The following DHRS11 variants were observed in gnomAD, a reference collection of about 807,000 sequenced individuals.
DHRS11 encodes dehydrogenase/reductase SDR family member 11.
In DHRS11, 18 loss-of-function variants were observed where a neutral mutation model predicts 30.7. The ratio of observed to expected loss-of-function variants is 0.59; its 90% CI spans 0.41 to 0.87. The LOEUF is 0.87. Among genes scored for constraint, DHRS11 ranks in the 40% least tolerant of loss-of-function variants. The pLI is 0.00. For missense variants in DHRS11, 300 were observed against 349.0 expected (o/e 0.86, Z 1.12); for synonymous variants, 123 against 139.6 (o/e 0.88, Z 0.84).
chr17:36,598,691 A>T (rs578135227), intron 3 of DHRS11: 31 of 557,300 alleles, frequency 5.6e-5, no homozygotes, highest in Admixed American at 2.6e-4. Flanking sequence ...CCACCAGGAG[A>T]GTGCATTCTG....
At chr17:36,594,369 AAG>A (rs2074791995) in intron 1 of DHRS11, among the ~76,000 whole-genome samples, 1 of 152,124 alleles carries the variant, frequency 6.6e-6, no homozygotes, top group Non-Finnish European at 1.5e-5. Flanking sequence ...AGAGGCAGAA[AAG>A]AGAGAGCACT....
In DHRS11 at chr17:36,598,169, G is replaced by A. The variant is rs749290113; in HGVS notation, c.364G>A (p.Val122Met). The part of the protein sequence containing the change: ...SGWKDMFNVN[V>M]LALSICTREA... ...TGCCCTCCCTGGCCTGCAGGTGAAC[G>A]TGCTGGCCCTCAGCATCTGCACACG... The change falls in exon 3 of 7, where the codon GTG becomes ATG. Residue 122 changes from valine (V) to methionine (M), a missense_variant. Coordinates refer to ENST00000618403, the MANE Select transcript of DHRS11 (RefSeq NM_024308.4). 61 of 1,613,894 alleles carry A rather than the reference G, an allele frequency of 3.8e-5. No homozygotes were observed. The highest frequency in any genetic ancestry group is 4.7e-5 in the Non-Finnish European group (56 of 1,179,988).
intron 3 of DHRS11, 94 bp from the exon 4 acceptor site, chr17:36,598,827 A>C: frequency 6.0e-6 from 9 of 1,494,720 alleles, no homozygotes; most frequent in Non-Finnish European, 8.1e-6. Flanking sequence ...CCCGATGGGC[A>C]TCTGGGTGGT....
In DHRS11 at chr17:36,595,141, G is replaced by GCT. The variant is rs903992608; in HGVS notation, c.322_323dup (p.Gly109GlnfsTer13). The GCT allele has an allele frequency of 1.9e-6, 3 of 1,613,846 alleles. No homozygotes were observed. In the African/African-American group the frequency reaches 4.0e-5, roughly 22 times the overall value. On this transcript the variant is annotated frameshift_variant, in exon 2 of 7. Transcript: ENST00000618403. LOFTEE classifies it high-confidence loss of function. ...CTGGCTTGGCCCGGCCTGACACCCT[G>GCT]CTCTCAGGCAGCACCAGTGGTTGGA...
chr17:36,600,228 TC>T lies in DHRS11; in HGVS notation c.*29del, dbSNP rs1168148665. 1 of 1,614,000 alleles carries T rather than the reference TC, an allele frequency of 6.2e-7. No individual in the cohort carries two copies. Among genetic ancestry groups the T allele is most frequent in the South Asian group, 1.1e-5 (1 of 91,054 alleles). ...GTGACTGTGGGAGCTCCTCCTTCCC[TC>T]CCCACCCTTCATGGCTTGCCTCCTG... On this transcript the variant is annotated 3_prime_UTR_variant, in exon 7 of 7. Coordinates refer to ENST00000618403, the MANE Select transcript of DHRS11 (RefSeq NM_024308.4).
Position 36,595,121 on chromosome 17 carries a change from T to C in DHRS11, c.298T>C (p.Leu100=). ...AGACATCTGCATCAACAATGCTGGC[T>C]TGGCCCGGCCTGACACCCTGCTCTC... is the stretch of plus-strand genomic sequence containing the variant. ...GVDICINNAG[L]ARPDTLLSGS... is the part of the protein sequence containing the mutation. Residue 100 remains leucine, a synonymous_variant, in exon 2 of 7, where the codon TTG becomes CTG. Coordinates refer to ENST00000618403, the MANE Select transcript of DHRS11 (RefSeq NM_024308.4). The C allele has an allele frequency of 2.5e-6, 4 of 1,614,154 alleles. No individual in the cohort carries two copies. The highest frequency in any genetic ancestry group is 3.4e-6 in the Non-Finnish European group (4 of 1,180,044).
At chr17:36,593,305 C>T (rs1310990518) in intron 1 of DHRS11, among the ~76,000 whole-genome samples, 2 of 152,176 alleles carry the variant, frequency 1.3e-5, no homozygotes, top group African/African-American at 2.4e-5. Context: ...GAGGAGAATG[C>T]CCCTGTTGTG....
At chr17:36,599,357 T>C (rs1327367388) in intron 4 of DHRS11, 10 of 553,178 alleles carry the variant, frequency 1.8e-5, no homozygotes. Flanking sequence ...GGCTCTTCTC[T>C]TGAAGGCCGC....
chr17:36,594,653 G>A, intron 1 of DHRS11: 1 of 451,192 alleles, frequency 2.2e-6, no homozygotes, highest in Non-Finnish European at 4.0e-6. Flanking sequence ...GACCTCAACT[G>A]GTCCACCCGC....
intron 2 of DHRS11, chr17:36,597,130 T>C (rs2074817149): frequency 1.1e-5 from 3 of 279,662 alleles, no homozygotes; most frequent in Non-Finnish European, 2.2e-5. Flanking sequence ...TCTCCCACTC[T>C]ACCTGCCAGG....
intron 2 of DHRS11, chr17:36,596,894 C>T (rs1166211780): frequency 2.1e-6 from 1 of 470,832 alleles, no homozygotes; most frequent in Non-Finnish European, 4.4e-6. Context: ...CCTCAGCCTT[C>T]TTGGAGATCA....
intron 1 of DHRS11, among the ~76,000 whole-genome samples, chr17:36,593,823 C>T (rs1412394110): frequency 3.9e-5 from 6 of 152,236 alleles, no homozygotes; most frequent in East Asian, 3.9e-4. Flanking sequence ...CCTTCCCCCT[C>T]GCCCACGTCT....
In DHRS11 at chr17:36,598,223, A is replaced by T; in HGVS notation, c.418A>T (p.Asn140Tyr). ...AGCCTACCAGTCCATGAAGGAGCGG[A>T]ATGTGGACGATGGGCACATCATTAA... Reference protein sequence around the residue: ...REAYQSMKERNVDDGHIININ... With the variant: ...REAYQSMKERYVDDGHIININ... Residue 140 changes from asparagine (N) to tyrosine (Y), a missense_variant, in exon 3 of 7, where the codon AAT becomes TAT. Transcript: ENST00000618403. The T allele has an allele frequency of 2.5e-6, 4 of 1,614,066 alleles. No individual in the cohort carries two copies. Among genetic ancestry groups the T allele is most frequent in the Non-Finnish European group, 3.4e-6 (4 of 1,179,998 alleles).
At position 36,598,993 on chromosome 17, in the gene DHRS11, G is replaced by A. The variant is rs889905225; in HGVS notation, c.525G>A (p.Ala175=). ...FYSATKYAVT[A]LTEGLRQELR... Reference sequence around the variant, plus strand: ...GTGCCACCAAGTATGCCGTCACTGCGCTGACAGAGGGACTGAGGCAAGAGC... The same window carrying A: ...GTGCCACCAAGTATGCCGTCACTGCACTGACAGAGGGACTGAGGCAAGAGC... The change falls in exon 4 of 7, where the codon GCG becomes GCA. Residue 175 remains alanine (A), a synonymous_variant. Coordinates refer to ENST00000618403, the MANE Select transcript of DHRS11 (RefSeq NM_024308.4). 4.3e-6 allele frequency: 7 copies of A among 1,613,198 alleles called. No homozygotes were observed. The highest frequency in any genetic ancestry group is 4.0e-5 in the African/African-American group (3 of 74,876).
At chr17:36,596,852 T>C (rs1305677447) in intron 2 of DHRS11, 1 of 470,922 alleles carries the variant, frequency 2.1e-6, no homozygotes, top group East Asian at 7.0e-5. Context: ...CACAGATGCT[T>C]GGGCCTGGAA....
chr17:36,594,944 C>A (rs1319136314), intron 1 of DHRS11, 27 bp from the exon 2 acceptor site: 1 of 1,613,436 alleles, frequency 6.2e-7, no homozygotes. Flanking sequence ...CTGCTCACCC[C>A]AGTCAGACCC....
intron 5 of DHRS11, 35 bp from the exon 6 acceptor site, chr17:36,599,937 G>A (rs754516567): frequency 1.9e-5 from 30 of 1,611,006 alleles, no homozygotes; most frequent in Non-Finnish European, 2.5e-5. Context: ...AGTCCATTCT[G>A]TCCTTGTCTC....
rs2074846790 is a variant in DHRS11, at chr17:36,600,095, G to A, written c.741+58G>A. On this transcript the variant is annotated intron_variant, in intron 6 of 6. Coordinates refer to ENST00000618403, the MANE Select transcript of DHRS11 (RefSeq NM_024308.4). ...GGAACCCAACCAGCCCCAGAGGAGG[G>A]GAGCAGGGAGCCCTGCAGGGCCAGG... The A allele has an allele frequency of 3.7e-6, 6 of 1,613,842 alleles. No individual in the cohort carries two copies. In the Admixed American group the frequency reaches 6.7e-5, roughly 18 times the overall value.
rs188788923 is a variant in DHRS11 at position 36,600,388 on chromosome 17, T to C, written c.*185T>C. On this transcript the variant is annotated 3_prime_UTR_variant, in exon 7 of 7. Coordinates refer to ENST00000618403, the MANE Select transcript of DHRS11 (RefSeq NM_024308.4). ...TTGCTTCAGTTGTAAATGTGAAAAA[T>C]GGGCTGGGGAAAGGAGGTGGTGTCC... 1.4e-6 allele frequency: 1 copy of C among 700,042 alleles called. No homozygotes were observed. The highest frequency in any genetic ancestry group is 2.8e-5 in the Admixed American group (1 of 35,980). 43.4% of individuals were successfully genotyped at this position (700,042 alleles called of 1,614,324 possible).
Sources: gnomAD v4.1 joint callset for allele counts (sites outside exome capture counted in the v4.1 genomes callset) on GRCh38, gnomAD v4.1.1 for gene constraint, MANE v1.5 for transcripts, NCBI Gene and HGNC (gene_info 2026-07-23, HGNC 2026-07-21) for gene names.